Variants in HAO2 observed in about 807,000 individuals in gnomAD.
HAO2 encodes the protein 2-Hydroxyacid oxidase 2.
A neutral mutation model predicts 37.4 loss-of-function variants in HAO2; 42 were observed. The observed-to-expected ratio is 1.12, with a 90% CI of 0.88 to 1.45. The LOEUF (loss-of-function observed/expected upper bound fraction) is 1.45, where lower values mean the gene tolerates loss of function less well. Ranked by LOEUF, HAO2 falls within the 40% of genes most tolerant of loss-of-function variation. The probability of loss-of-function intolerance (pLI) is 0.00; values close to 1 mark genes in which losing one functional copy is unlikely to be tolerated. For missense variants in HAO2, 476 were observed against 430.2 expected, an observed-to-expected ratio of 1.11 and a Z score of -0.94; for synonymous variants, 180 against 162.8, an observed-to-expected ratio of 1.11 and a Z score of -0.81.
At chr1:119,381,890 C>G (rs1649975492) in intron 2 of HAO2, among the ~76,000 whole-genome samples, 1 of 152,140 alleles carries the variant, frequency 6.6e-6, no homozygotes, top group Admixed American at 6.5e-5. Context: ...TATTTTAACA[C>G]AACCATGCTC....
At chr1:119,380,616 T>A (rs587732154) in intron 1 of HAO2, 2 of 990,376 alleles carry the variant, frequency 2.0e-6, no homozygotes, top group South Asian at 2.7e-5. Flanking sequence ...AAGCTGGGAA[T>A]GCCATGACGT....
At position 119,376,882 on chromosome 1, in the gene HAO2, T is replaced by C. The variant is rs144882408; in HGVS notation, c.-8-4196T>C. Among the ~76,000 whole-genome samples, 131 of 152,266 alleles carry C rather than the reference T, an allele frequency of 8.6e-4. 1 individual carries two copies. In the South Asian group the frequency reaches 0.01, roughly 12 times the overall value. Reference sequence around the variant, plus strand: ...AGCAGCAAGGCCCTGGTGCCCTGCATCTTAGGCCTACAGTCCTATGATGGG... The same window carrying C: ...AGCAGCAAGGCCCTGGTGCCCTGCACCTTAGGCCTACAGTCCTATGATGGG... On this transcript the variant is annotated intron_variant, in intron 1 of 7. Coordinates refer to ENST00000325945, the MANE Select transcript of HAO2 (RefSeq NM_016527.4).
chr1:119,378,042 T>C (rs1485525762), intron 1 of HAO2, among the ~76,000 whole-genome samples: 2 of 147,848 alleles, frequency 1.4e-5, no homozygotes, highest in Non-Finnish European at 3.0e-5. Context: ...TTACATACAT[T>C]ATAAAAAGAA....
At chr1:119,385,411 C>A in intron 4 of HAO2, 1 of 933,604 alleles carries the variant, frequency 1.1e-6, no homozygotes, top group Non-Finnish European at 1.3e-6. Flanking sequence ...TTATGACACA[C>A]TCAGAAAATG....
intron 1 of HAO2, among the ~76,000 whole-genome samples, chr1:119,380,316 CA>C (rs1649816249): frequency 6.6e-6 from 1 of 152,064 alleles, no homozygotes; most frequent in South Asian, 2.1e-4. Context: ...TTATAGGGCT[CA>C]AATTGAAGAT....
At chr1:119,384,514 C>T (rs1650220509) in intron 3 of HAO2, among the ~76,000 whole-genome samples, 1 of 152,174 alleles carries the variant, frequency 6.6e-6, no homozygotes, top group African/African-American at 2.4e-5. Context: ...CTGGAGATTG[C>T]ATGGCATCTT....
intron 1 of HAO2, chr1:119,380,806 C>A: frequency 1.1e-6 from 1 of 874,896 alleles, no homozygotes; most frequent in South Asian, 1.5e-5. Flanking sequence ...GGTGTGTGTA[C>A]AGTGGAGGAG....
rs587623711 is a variant in HAO2, at chr1:119,392,372, C to T, written c.930+104C>T. ...AAGCTTAGACATTTTCAAAATGATT[C>T]CTAAAGGATAGTTACACCTAAGCTG... On this transcript the variant is annotated intron_variant, in intron 6 of 7. Transcript: ENST00000325945. 3.9e-6 allele frequency: 4 copies of T among 1,024,484 alleles called. No homozygotes were observed. In the East Asian group the frequency reaches 7.3e-5, roughly 19 times the overall value. 63.5% of individuals were successfully genotyped at this position (1,024,484 alleles called of 1,614,324 possible). A position where few individuals can be genotyped will look rare whatever the true frequency, so the allele number is the denominator to read the frequency against.
At chr1:119,385,244 TC>T (rs1650287613) in intron 4 of HAO2, 191 bp downstream of exon 4, 1 of 984,884 alleles carries the variant, frequency 1.0e-6, no homozygotes, top group Non-Finnish European at 1.2e-6. Flanking sequence ...ACAAGCACAA[TC>T]AACATAAGAC....
intron 5 of HAO2, among the ~76,000 whole-genome samples, chr1:119,389,170 A>ATATATATATATAT (rs1557855935): frequency 4.1e-5 from 4 of 96,554 alleles, no homozygotes; most frequent in Non-Finnish European, 8.6e-5. Flanking sequence ...ATATATATAC[A>ATATATATATATAT]CCACAGTTTC....
chr1:119,380,869 TG>T (rs1276606501), intron 1 of HAO2: 3 of 713,702 alleles, frequency 4.2e-6, no homozygotes, highest in Non-Finnish European at 7.3e-6. Context: ...GGAATGGGAA[TG>T]GGAATGGGAG....
At chr1:119,375,352 G>C (rs866430347) in intron 1 of HAO2, among the ~76,000 whole-genome samples, 49 of 151,960 alleles carry the variant, frequency 3.2e-4, no homozygotes, top group Middle Eastern at 3.4e-3. Context: ...GAACAAGGAA[G>C]GTATCCTTTT....
At chr1:119,381,056 G>GGTTTT (rs1649888770) in intron 1 of HAO2, 22 bp from the exon 2 acceptor site, 1 of 1,609,618 alleles carries the variant, frequency 6.2e-7, no homozygotes, top group Non-Finnish European at 8.5e-7. Flanking sequence ...GGTTTGGTTT[G>GGTTTT]GTTTTGTTTT....
chr1:119,391,966 T>C, intron 5 of HAO2, 144 bp from the exon 6 acceptor site: 1 of 576,208 alleles, frequency 1.7e-6, no homozygotes, highest in Non-Finnish European at 2.9e-6. Flanking sequence ...CTGCAGTTGA[T>C]CAGCGCTAGC....
intron 2 of HAO2, among the ~76,000 whole-genome samples, chr1:119,381,449 C>A (rs1043595206): frequency 1.3e-5 from 2 of 152,294 alleles, no homozygotes; most frequent in East Asian, 3.9e-4. Flanking sequence ...CATTCTCCTT[C>A]ATCTCAGCAA....
intron 4 of HAO2, chr1:119,385,474 T>C (rs1255190094): frequency 2.6e-6 from 2 of 763,778 alleles, no homozygotes; most frequent in Non-Finnish European, 1.6e-6. Context: ...GGGATGTTCA[T>C]GACCAAAGTG....
intron 1 of HAO2, chr1:119,370,395 C>A (rs1177979922): frequency 6.6e-6 from 1 of 152,158 alleles, no homozygotes; most frequent in Non-Finnish European, 1.5e-5. Context: ...AATCCTGAAG[C>A]AGCTTTCCAC....
At chr1:119,385,082 G>A (rs768181293) in intron 4 of HAO2, 29 bp downstream of exon 4, 7 of 1,592,512 alleles carry the variant, frequency 4.4e-6, no homozygotes, top group Middle Eastern at 1.7e-4. Context: ...TCGATGGACA[G>A]GCATTACAAG....
intron 5 of HAO2, among the ~76,000 whole-genome samples, chr1:119,387,572 C>T (rs1425647557): frequency 1.3e-5 from 2 of 152,134 alleles, no homozygotes; most frequent in South Asian, 2.1e-4. Flanking sequence ...CTATCACTAA[C>T]GTCAACATTT....
Sources: gnomAD v4.1 joint callset for allele counts (sites outside exome capture counted in the v4.1 genomes callset) on GRCh38, gnomAD v4.1.1 for gene constraint, MANE v1.5 for transcripts, NCBI Gene and HGNC (gene_info 2026-07-23, HGNC 2026-07-21) for gene names.